Variants in TFDP2 observed in about 807,000 individuals in gnomAD.
The protein encoded by TFDP2 is transcription factor Dp-2 (E2F dimerization partner 2).
TFDP2 carries 17 observed loss-of-function variants against 59.3 expected under a neutral mutation model. The observed-to-expected ratio is 0.29, with a 90% CI of 0.20 to 0.43. TFDP2 has a LOEUF of 0.43. Ranked by LOEUF, TFDP2 falls within the 20% of genes least tolerant of loss-of-function variation. The pLI, the probability that TFDP2 is intolerant of heterozygous loss-of-function variation, is 1.00. For missense variants in TFDP2, 391 were observed against 528.8 expected, an observed-to-expected ratio of 0.74 and a Z score of 2.56; for synonymous variants, 180 against 194.7, an observed-to-expected ratio of 0.92 and a Z score of 0.63.
At position 142,073,012 on chromosome 3, in the gene TFDP2, C is replaced by T. The variant is rs182384638; in HGVS notation, c.82+20049G>A. ...AAAGACTAACTTTACTGTGGAGAAA[C>T]CTGACAAAAGCGACATCGGCCAGCT... is the stretch of plus-strand genomic sequence containing the variant. On this transcript the variant is annotated intron_variant, in intron 3 of 12. Coordinates refer to ENST00000489671, the MANE Select transcript of TFDP2 (RefSeq NM_001178139.2). Among the ~76,000 whole-genome samples the T allele has an allele frequency of 1.7e-4, 26 of 152,302 alleles. No homozygotes were observed. The East Asian group carries it at 4.6e-3, about 27-fold the overall frequency.
intron 9 of TFDP2, among the ~76,000 whole-genome samples, chr3:141,968,574 C>A (rs1265202402): frequency 1.0e-5 from 1 of 98,274 alleles, no homozygotes. Context: ...ATATATATAA[C>A]ATATATATCT....
intron 1 of TFDP2, among the ~76,000 whole-genome samples, chr3:142,109,997 C>A (rs1028557022): frequency 1.3e-5 from 2 of 152,116 alleles, no homozygotes; most frequent in African/African-American, 4.8e-5. Flanking sequence ...CCCACCTCAG[C>A]CTACTCAGTC....
At chr3:142,097,782 C>T (rs747068719) in intron 2 of TFDP2, among the ~76,000 whole-genome samples, 7 of 152,096 alleles carry the variant, frequency 4.6e-5, no homozygotes, top group Admixed American at 6.6e-5. Flanking sequence ...TAGCCAGGCA[C>T]GGTGGCTCAT....
intron 3 of TFDP2, among the ~76,000 whole-genome samples, chr3:142,051,078 T>A (rs2108487802): frequency 6.6e-6 from 1 of 152,336 alleles, no homozygotes; most frequent in African/African-American, 2.4e-5. Context: ...AGGCTTAGTA[T>A]GCAGCTACAG....
intron 1 of TFDP2, among the ~76,000 whole-genome samples, chr3:142,135,000 C>T (rs541272246): frequency 6.6e-6 from 1 of 152,234 alleles, no homozygotes; most frequent in Non-Finnish European, 1.5e-5. Context: ...GCATCATTAG[C>T]CACAGCATTT....
intron 3 of TFDP2, among the ~76,000 whole-genome samples, chr3:142,051,786 CA>C (rs1409714178): frequency 2.0e-5 from 3 of 152,062 alleles, no homozygotes; most frequent in African/African-American, 7.2e-5. Context: ...TCATATGATA[CA>C]AAAATAAACC....
chr3:142,092,940 G>T, intron 3 of TFDP2, 121 bp downstream of exon 3: 1 of 659,698 alleles, frequency 1.5e-6, no homozygotes, highest in Non-Finnish European at 2.4e-6. Context: ...ATGTGGCATG[G>T]AACAACGTGC....
intron 1 of TFDP2, among the ~76,000 whole-genome samples, chr3:142,140,426 T>C (rs1429015267): frequency 6.6e-6 from 1 of 152,200 alleles, no homozygotes; most frequent in Non-Finnish European, 1.5e-5. Context: ...CTGCAATCCT[T>C]TGGAGGAGAA....
In TFDP2 at chr3:141,952,533, C is replaced by T. The variant is rs762544949; in HGVS notation, c.1321G>A (p.Asp441Asn). Residue 441 changes from aspartate (D) to asparagine (N), a missense_variant, in exon 13 of 13, where the codon GAT becomes AAT. Asp to Asn is a conservative substitution (Grantham distance 23, BLOSUM62 1). Coordinates refer to ENST00000489671, the MANE Select transcript of TFDP2 (RefSeq NM_001178139.2). ...TGTCTTTATTCTGGGGAGGAGGAAT[C>T]CTCCTCATCATCTTCCTCATCTTCA... ...NDEDEEDDEE[D>N]SSSPE 1.3e-5 allele frequency: 20 copies of T among 1,546,816 alleles called. No homozygotes were observed. The highest frequency in any genetic ancestry group is 1.5e-5 in the Non-Finnish European group (17 of 1,155,806).
chr3:141,957,059 A>G (rs1936778164), intron 11 of TFDP2, among the ~76,000 whole-genome samples: 3 of 152,080 alleles, frequency 2.0e-5, no homozygotes, highest in African/African-American at 7.2e-5. Flanking sequence ...GGTGGCTCAC[A>G]TGTATAATCC....
At chr3:142,018,994 T>C (rs1945370440) in intron 3 of TFDP2, among the ~76,000 whole-genome samples, 1 of 151,198 alleles carries the variant, frequency 6.6e-6, no homozygotes, top group Non-Finnish European at 1.5e-5. Flanking sequence ...TCTATTATAC[T>C]TGCTGCAAAT....
At chr3:142,044,121 C>A in intron 3 of TFDP2, 1 of 588,850 alleles carries the variant, frequency 1.7e-6, no homozygotes, top group Non-Finnish European at 3.1e-6. Flanking sequence ...TGGTCTCATT[C>A]GGGTCCAACC....
At chr3:142,050,377 C>G (rs1350041262) in intron 3 of TFDP2, among the ~76,000 whole-genome samples, 1 of 152,054 alleles carries the variant, frequency 6.6e-6, no homozygotes, top group Non-Finnish European at 1.5e-5. Context: ...CTTTTAGTTC[C>G]CTGTTTTCTC....
intron 3 of TFDP2, among the ~76,000 whole-genome samples, chr3:142,063,735 A>G (rs772563880): frequency 1.4e-4 from 21 of 152,186 alleles, no homozygotes; most frequent in Non-Finnish European, 2.8e-4. Context: ...AGTGCTCCTT[A>G]GTTGGTGAAG....
chr3:142,137,900 G>C (rs2062795038), intron 1 of TFDP2, among the ~76,000 whole-genome samples: 1 of 152,164 alleles, frequency 6.6e-6, no homozygotes, highest in Non-Finnish European at 1.5e-5. Context: ...AAATGAGTTA[G>C]GGAGGATTCC....
At chr3:142,134,745 T>G (rs377674750) in intron 1 of TFDP2, among the ~76,000 whole-genome samples, 1 of 152,038 alleles carries the variant, frequency 6.6e-6, no homozygotes. Context: ...TATTAACACA[T>G]AGATAGGTAG....
intron 9 of TFDP2, among the ~76,000 whole-genome samples, 190 bp downstream of exon 9, chr3:141,969,883 T>C (rs1395036476): frequency 6.6e-6 from 1 of 152,192 alleles, no homozygotes; most frequent in African/African-American, 2.4e-5. Flanking sequence ...GGAGCTGAGA[T>C]GATGGCAACA....
At chr3:142,081,885 A>T (rs2060649432) in intron 3 of TFDP2, among the ~76,000 whole-genome samples, 1 of 152,196 alleles carries the variant, frequency 6.6e-6, no homozygotes. Context: ...TTCACTGCTA[A>T]ATCTTACCAA....
intron 10 of TFDP2, among the ~76,000 whole-genome samples, chr3:141,962,817 T>C (rs748049823): frequency 6.6e-6 from 1 of 152,208 alleles, no homozygotes; most frequent in Non-Finnish European, 1.5e-5. Flanking sequence ...AGACAGGAAG[T>C]TCTGGTATCC....
Sources: gnomAD v4.1 joint callset for allele counts (sites outside exome capture counted in the v4.1 genomes callset) on GRCh38, gnomAD v4.1.1 for gene constraint, MANE v1.5 for transcripts, NCBI Gene and HGNC (gene_info 2026-07-23, HGNC 2026-07-21) for gene names.